BMP2K: variants seen among roughly 807,000 people sequenced by gnomAD.
BMP2K encodes the protein BMP2 inducible kinase, also known as BMP-2-inducible protein kinase.
Under a neutral mutation model 116.0 loss-of-function variants are expected in BMP2K, and 74 were observed. The observed-to-expected ratio is 0.64, with a 90% CI of 0.53 to 0.77. The LOEUF is 0.77. Ranked by LOEUF, BMP2K falls within the 30% of genes least tolerant of loss-of-function variation. The pLI, the probability that BMP2K is intolerant of heterozygous loss-of-function variation, is 0.00. For synonymous variants in BMP2K, 486 were observed against 502.5 expected (o/e 0.97, Z 0.44); for missense variants, 1,365 against 1,403.6 (o/e 0.97, Z 0.44).
In BMP2K at chr4:78,806,981, C is replaced by G. The variant is rs536499529; in HGVS notation, c.179-19056C>G. ...CTTCCTGCATCAGCTTCCCGAGTAG[C>G]TGGGATTACAGGCGCCTGCTACCAC... On this transcript the variant is annotated intron_variant, in intron 1 of 15. Transcript: ENST00000502613. 2.6e-3 allele frequency among the ~76,000 whole-genome samples: 393 copies of G among 152,030 alleles called. 1 individual carries two copies. Among genetic ancestry groups the G allele is most frequent in the Non-Finnish European group, 4.4e-3 (302 of 67,980 alleles).
At chr4:78,892,332 T>C (rs1733482695) in intron 15 of BMP2K, among the ~76,000 whole-genome samples, 1 of 152,200 alleles carries the variant, frequency 6.6e-6, no homozygotes, top group Admixed American at 6.5e-5. Flanking sequence ...TTAAAGAAAT[T>C]TGTACATTTC....
At chr4:78,861,880 G>T (rs1259667958) in intron 9 of BMP2K, among the ~76,000 whole-genome samples, 2 of 151,830 alleles carry the variant, frequency 1.3e-5, no homozygotes, top group African/African-American at 4.8e-5. Flanking sequence ...TATGTACTTT[G>T]TAGAATTTGT....
In BMP2K at chr4:78,915,571, T is replaced by C. The variant is rs536531986; in HGVS notation, c.*3538T>C. 6.6e-6 allele frequency: 1 copy of C among 152,116 alleles called. No individual in the cohort carries two copies. The highest frequency in any genetic ancestry group is 2.4e-5 in the African/African-American group (1 of 41,538). 9.4% of individuals were successfully genotyped at this position (152,116 alleles called of 1,614,324 possible). On this transcript the variant is annotated 3_prime_UTR_variant, in exon 16 of 16. Coordinates refer to ENST00000502613, the MANE Select transcript of BMP2K (RefSeq NM_198892.2). ...ATATCTACTGTGAGAATACCATAAATGATGAATAGTTTATTTGAGAACTTT... is the reference window on the plus strand; with the variant it reads ...ATATCTACTGTGAGAATACCATAAACGATGAATAGTTTATTTGAGAACTTT...
Position 78,881,777 on chromosome 4 carries a change from C to T in BMP2K, c.1951+2886C>T, listed in dbSNP as rs563889130. ...CTTTCTTAAAGTTTAATGACTTTCA[C>T]CTTTTTTGAATTCTGAAATAGTGGG... On this transcript the variant is annotated intron_variant, in intron 14 of 15. Transcript: ENST00000502613. Among the ~76,000 whole-genome samples the T allele has an allele frequency of 7.9e-5, 12 of 152,032 alleles. No homozygotes were observed. The East Asian group carries it at 2.3e-3, about 29-fold the overall frequency.
intron 14 of BMP2K, among the ~76,000 whole-genome samples, chr4:78,886,373 CA>C (rs1056631967): frequency 1.3e-5 from 2 of 152,214 alleles, no homozygotes; most frequent in African/African-American, 4.8e-5. Context: ...AACCTCTACC[CA>C]CTTCCTCAAT....
chr4:78,795,368 T>A (rs1728204259), intron 1 of BMP2K, among the ~76,000 whole-genome samples: 2 of 152,102 alleles, frequency 1.3e-5, no homozygotes, highest in Non-Finnish European at 2.9e-5. Context: ...CCGAGTATGG[T>A]CATTGGGTGA....
rs1432243061 is a variant in BMP2K at position 78,850,942 on chromosome 4, T to C, written c.769T>C (p.Tyr257His). The change falls in exon 7 of 16, where the codon TAT becomes CAT. Residue 257 changes from tyrosine to histidine, a missense_variant. By Grantham distance (83) the Tyr-to-His change is moderately conservative. Coordinates refer to ENST00000502613, the MANE Select transcript of BMP2K (RefSeq NM_198892.2). Reference sequence around the variant, plus strand: ...TTTACAGGCACTGGGATGTCTACTCTATAAACTTTGTTTCTTCACTCTTCC... The same window carrying C: ...TTTACAGGCACTGGGATGTCTACTCCATAAACTTTGTTTCTTCACTCTTCC... ...ADIWALGCLL[Y>H]KLCFFTLPFG... The C allele has an allele frequency of 1.9e-6, 3 of 1,612,064 alleles. No homozygotes were observed. The highest frequency in any genetic ancestry group is 2.5e-6 in the Non-Finnish European group (3 of 1,178,776).
chr4:78,803,454 G>T (rs28366415), intron 1 of BMP2K, among the ~76,000 whole-genome samples: 2,875 of 152,180 alleles, frequency 0.019, 84 homozygotes, highest in African/African-American at 0.062. Context: ...GTAGTGCAGT[G>T]GTGCAACCTC....
intron 15 of BMP2K, among the ~76,000 whole-genome samples, chr4:78,887,796 A>T (rs1468865357): frequency 6.6e-6 from 1 of 152,208 alleles, no homozygotes; most frequent in African/African-American, 2.4e-5. Context: ...TAACACTTGG[A>T]AGATACTAGG....
chr4:78,787,583 C>T (rs183258087), intron 1 of BMP2K, among the ~76,000 whole-genome samples: 33 of 151,982 alleles, frequency 2.2e-4, no homozygotes, highest in Admixed American at 1.4e-3. Context: ...TCTTGAGTGG[C>T]GGATAGTACC....
chr4:78,786,708 CT>C (rs1030170000), intron 1 of BMP2K, among the ~76,000 whole-genome samples: 3 of 152,106 alleles, frequency 2.0e-5, no homozygotes, highest in Non-Finnish European at 1.5e-5. Context: ...AAAATAGTTA[CT>C]TTTTTGTAAT....
rs762398126 is a variant in BMP2K, at chr4:78,911,964, TCAGTCCCAA to T, written c.3428_3436del (p.Gln1143_Gln1145del). On this transcript the variant is annotated inframe_deletion, in exon 16 of 16. Coordinates refer to ENST00000502613, the MANE Select transcript of BMP2K (RefSeq NM_198892.2). ...TTGTGGTGCAAAGCATCACTCCACA[TCAGTCCCAA>T]CAGTCCCAACCAGTCGAATTAGACC... is the stretch of plus-strand genomic sequence containing the variant. 14 of 1,613,992 alleles carry T rather than the reference TCAGTCCCAA, an allele frequency of 8.7e-6. No homozygotes were observed. Among genetic ancestry groups the T allele is most frequent in the Middle Eastern group, 1.7e-4 (1 of 6,058 alleles).
At chr4:78,868,923 T>C (rs1352265118) in intron 10 of BMP2K, among the ~76,000 whole-genome samples, 1 of 152,116 alleles carries the variant, frequency 6.6e-6, no homozygotes, top group East Asian at 1.9e-4. Flanking sequence ...TCAGCAGCTT[T>C]TTCAGGCGCA....
chr4:78,879,241 T>C (rs763902955), intron 14 of BMP2K: 53 of 1,020,472 alleles, frequency 5.2e-5, no homozygotes, highest in Non-Finnish European at 5.9e-5. Flanking sequence ...CTAATGATTT[T>C]GCAGCTCTGT....
intron 1 of BMP2K, among the ~76,000 whole-genome samples, chr4:78,786,076 C>T (rs532529936): frequency 2.3e-4 from 35 of 152,296 alleles, no homozygotes; most frequent in Middle Eastern, 3.4e-3. Context: ...ATTTTCTGCA[C>T]TTCTCTCAAG....
chr4:78,845,891 C>T (rs560843654), intron 5 of BMP2K, among the ~76,000 whole-genome samples: 20 of 151,652 alleles, frequency 1.3e-4, no homozygotes, highest in African/African-American at 7.2e-5. Flanking sequence ...TAGATTTCTA[C>T]GCTACATACT....
intron 5 of BMP2K, 98 bp downstream of exon 5, chr4:78,845,147 A>G: frequency 1.9e-6 from 2 of 1,061,026 alleles, no homozygotes; most frequent in East Asian, 2.7e-5. Context: ...TATTTCATTT[A>G]TAGATTTCTT....
At chr4:78,799,457 A>G (rs534950394) in intron 1 of BMP2K, among the ~76,000 whole-genome samples, 1 of 152,334 alleles carries the variant, frequency 6.6e-6, no homozygotes, top group Admixed American at 6.5e-5. Flanking sequence ...AATGTTTTTC[A>G]TAGTGGTTAT....
intron 1 of BMP2K, among the ~76,000 whole-genome samples, chr4:78,816,507 GAGTA>G (rs1478866769): frequency 1.3e-5 from 2 of 152,088 alleles, no homozygotes; most frequent in African/African-American, 4.8e-5. Context: ...TTTTGGGAAT[GAGTA>G]ATTGGGCAAG....
Sources: gnomAD v4.1 joint callset for allele counts (sites outside exome capture counted in the v4.1 genomes callset) on GRCh38, gnomAD v4.1.1 for gene constraint, MANE v1.5 for transcripts, NCBI Gene and HGNC (gene_info 2026-07-23, HGNC 2026-07-21) for gene names.